Variants in AIG1 observed in about 807,000 individuals in gnomAD.
The protein encoded by AIG1 is androgen induced 1, also known as androgen-induced gene 1 protein.
A neutral mutation model predicts 31.4 loss-of-function variants in AIG1; 23 were observed. That is an observed-to-expected ratio of 0.73 (90% CI 0.53 to 1.04). The LOEUF (loss-of-function observed/expected upper bound fraction) is 1.04. Ranked by LOEUF, AIG1 falls within the 50% of genes least tolerant of loss-of-function variation. The pLI, the probability that AIG1 is intolerant of heterozygous loss-of-function variation, is 0.00. For synonymous variants in AIG1, 100 were observed against 110.5 expected (o/e 0.90, Z 0.60); for missense variants, 274 against 295.0 (o/e 0.93, Z 0.52).
chr6:143,168,488 A>G lies in AIG1; in HGVS notation c.399+3305A>G, dbSNP rs755681284. On this transcript the variant is annotated intron_variant, in intron 3 of 5. Transcript: ENST00000357847. Reference sequence around the variant, plus strand: ...TGTTCTCATCGTTCAATTCCCACCTATGAGTGAGAACATGCGGTGTTTGGT... The same window carrying G: ...TGTTCTCATCGTTCAATTCCCACCTGTGAGTGAGAACATGCGGTGTTTGGT... 3.5e-5 allele frequency among the ~76,000 whole-genome samples: 5 copies of G among 144,662 alleles called. No homozygotes were observed. In the East Asian group the frequency reaches 1.0e-3, roughly 30 times the overall value. The allele number at this position is 144,662 out of a possible 152,430, so 94.9% of individuals were successfully genotyped here.
At chr6:143,250,997 C>T (rs1271748707) in intron 3 of AIG1, among the ~76,000 whole-genome samples, 1 of 152,150 alleles carries the variant, frequency 6.6e-6, no homozygotes, top group Non-Finnish European at 1.5e-5. Context: ...GACTGCAGCC[C>T]TGCCACCACC....
chr6:143,241,811 G>GA (rs757576116), intron 3 of AIG1, among the ~76,000 whole-genome samples: 55 of 152,102 alleles, frequency 3.6e-4, no homozygotes, highest in Non-Finnish European at 6.6e-4. Context: ...ACCCCAAGTG[G>GA]AAAACTTCAC....
intron 3 of AIG1, among the ~76,000 whole-genome samples, chr6:143,222,399 G>T (rs79132351): frequency 0.018 from 2,366 of 132,422 alleles, 42 homozygotes; most frequent in African/African-American, 0.054. Context: ...TTTTTTTTTT[G>T]TTGTTGTTGT....
intron 2 of AIG1, among the ~76,000 whole-genome samples, chr6:143,149,226 T>C (rs1289361570): frequency 1.3e-5 from 2 of 152,078 alleles, no homozygotes; most frequent in East Asian, 3.9e-4. Context: ...TTGGAGAATG[T>C]ATCAGAATAA....
intron 4 of AIG1, among the ~76,000 whole-genome samples, chr6:143,318,749 CA>C (rs775947965): frequency 5.3e-5 from 8 of 151,482 alleles, no homozygotes; most frequent in Admixed American, 3.9e-4. Context: ...GACCAATATC[CA>C]GAATCTACAA....
intron 3 of AIG1, among the ~76,000 whole-genome samples, chr6:143,266,509 C>T (rs1186781406): frequency 1.3e-5 from 2 of 152,038 alleles, no homozygotes; most frequent in Non-Finnish European, 2.9e-5. Flanking sequence ...ACACACACAA[C>T]TATGTGGGGT....
intron 3 of AIG1, chr6:143,189,278 A>G (rs544393249): frequency 7.5e-5 from 40 of 530,768 alleles, no homozygotes; most frequent in Middle Eastern, 9.3e-4. Flanking sequence ...CAATGGCCTC[A>G]TTATGTTTCC....
In AIG1 at chr6:143,279,962, A is replaced by G. The variant is rs1797233036; in HGVS notation, c.400-4148A>G. On this transcript the variant is annotated intron_variant, in intron 3 of 5. Coordinates refer to ENST00000357847, the MANE Select transcript of AIG1 (RefSeq NM_016108.4). The surrounding 1 kb of genome is among the most constrained non-coding windows in gnomAD (Gnocchi z 5.4). ...TTCAAACAAGTCAAGCCTTGTTTTT[A>G]GCTCAGCTCCTGGGGAATTGTTCTG... Among the ~76,000 whole-genome samples, 1 of 152,192 alleles carries G rather than the reference A, an allele frequency of 6.6e-6. No individual in the cohort carries two copies. The highest frequency in any genetic ancestry group is 1.5e-5 in the Non-Finnish European group (1 of 68,026).
chr6:143,308,691 A>G (rs758658118), intron 4 of AIG1, among the ~76,000 whole-genome samples: 9 of 152,222 alleles, frequency 5.9e-5, no homozygotes, highest in Admixed American at 4.6e-4. Flanking sequence ...CTACCAAAAC[A>G]TCATTTCTGC....
intron 3 of AIG1, among the ~76,000 whole-genome samples, chr6:143,240,633 G>A (rs376665261): frequency 1.1e-4 from 16 of 152,276 alleles, no homozygotes; most frequent in East Asian, 5.8e-4. Flanking sequence ...TGGTAAGGGA[G>A]CATTTGTTTG....
chr6:143,143,500 C>CAAA (rs60620136), intron 2 of AIG1, among the ~76,000 whole-genome samples: 46 of 27,480 alleles, frequency 1.7e-3, no homozygotes, highest in Admixed American at 5.7e-3. Context: ...GACTTCATCT[C>CAAA]AAAAAAAAAA....
downstream of AIG1, chr6:143,342,247 T>C: frequency 1.5e-6 from 1 of 682,132 alleles, no homozygotes; most frequent in Non-Finnish European, 2.7e-6. Context: ...AGTGGGAAAA[T>C]GGGGTGGCGA....
intron 4 of AIG1, among the ~76,000 whole-genome samples, chr6:143,319,054 G>T (rs1262874373): frequency 6.6e-6 from 1 of 152,146 alleles, no homozygotes; most frequent in Non-Finnish European, 1.5e-5. Flanking sequence ...AACCACTATG[G>T]AAAACAGTGT....
intron 3 of AIG1, among the ~76,000 whole-genome samples, chr6:143,165,732 C>T (rs1034932988): frequency 6.6e-5 from 10 of 152,150 alleles, no homozygotes; most frequent in African/African-American, 2.4e-4. Context: ...TTAGGGTGTT[C>T]GCCTGTGGCT....
At chr6:143,246,399 T>G (rs1794627651) in intron 3 of AIG1, among the ~76,000 whole-genome samples, 1 of 152,102 alleles carries the variant, frequency 6.6e-6, no homozygotes, top group East Asian at 1.9e-4. Context: ...AGAGAGCCTG[T>G]GCAGGGAAAC....
rs1795533379 is a variant in AIG1 at position 143,258,707 on chromosome 6, G to A, written c.400-25403G>A. Among the ~76,000 whole-genome samples the A allele has an allele frequency of 6.6e-6, 1 of 152,062 alleles. No individual in the cohort carries two copies. The highest frequency in any genetic ancestry group is 2.1e-4 in the South Asian group (1 of 4,820). ...TGAAAGCTTAACTTGAAAATAATTT[G>A]AGGAACAATTGTGAAAAAAGTCTTA... On this transcript the variant is annotated intron_variant, in intron 3 of 5. Transcript: ENST00000357847. This position sits in a 1 kb window ranked among gnomAD's most constrained non-coding sequence, Gnocchi z 4.7.
chr6:143,074,267 T>C (rs1027880719), intron 1 of AIG1, among the ~76,000 whole-genome samples: 1 of 152,250 alleles, frequency 6.6e-6, no homozygotes, highest in African/African-American at 2.4e-5. Context: ...TACTTTTGAT[T>C]TGTGGCCTGA....
chr6:143,211,929 A>C (rs538417307), intron 3 of AIG1, among the ~76,000 whole-genome samples: 2 of 152,142 alleles, frequency 1.3e-5, no homozygotes, highest in South Asian at 4.2e-4. Context: ...GTTTATTTCT[A>C]AATTTTTCCT....
chr6:143,137,718 C>T (rs1783889569), intron 2 of AIG1, among the ~76,000 whole-genome samples: 1 of 152,184 alleles, frequency 6.6e-6, no homozygotes, highest in African/African-American at 2.4e-5. Flanking sequence ...TTTCCATTGT[C>T]TGCACATAAA....
Sources: allele counts gnomAD v4.1 joint callset (sites outside exome capture counted in the v4.1 genomes callset), GRCh38; gene constraint gnomAD v4.1.1; non-coding constraint Gnocchi (gnomAD v3.1); transcripts MANE v1.5; gene names NCBI Gene and HGNC (gene_info 2026-07-23, HGNC 2026-07-21).